Variants in PKD1 observed in about 807,000 individuals in gnomAD.
PKD1 encodes the protein polycystin 1, transient receptor potential channel interacting, also known as polycystin-1.
In PKD1, 81 loss-of-function variants were observed where a neutral mutation model predicts 361.7. The ratio of observed to expected loss-of-function variants is 0.22; its 90% confidence interval spans 0.19 to 0.27. The LOEUF is 0.27. Among genes scored for constraint, PKD1 ranks in the 10% least tolerant of loss-of-function variants. PKD1 has a pLI of 1.00. For missense variants in PKD1, 6,399 were observed against 6,118.3 expected (o/e 1.05, Z -1.53); for synonymous variants, 3,615 against 2,818.3 (o/e 1.28, Z -8.95).
At chr16:2,095,756 G>A (rs1202215947) in intron 34 of PKD1, among the ~76,000 whole-genome samples, 2 of 152,244 alleles carry the variant, frequency 1.3e-5, no homozygotes, top group Non-Finnish European at 1.5e-5. Flanking sequence ...TGAGGAAGCC[G>A]GGAGGGTGAG....
rs774162357 is a variant in PKD1, at chr16:2,116,540, C to T, written c.1711G>A (p.Glu571Lys). 9.2e-5 allele frequency: 141 copies of T among 1,539,666 alleles called. No homozygotes were observed. Among genetic ancestry groups the T allele is most frequent in the Non-Finnish European group, 1.2e-4 (134 of 1,139,556 alleles). ...AQQDGLSAPH[E>K]PVEVMVFPGL... ...GGGGGGCCGACTACCTCCACGGGCT[C>T]GTGCGGGGCTGAGAGGCCGTCCTGC... Residue 571 changes from glutamate to lysine, a missense_variant, in exon 8 of 46, where the codon GAG (glutamate) becomes AAG (lysine). Glu to Lys is a moderately conservative substitution (Grantham distance 56, BLOSUM62 1). Transcript: ENST00000262304.
At chr16:2,113,503 T>G (rs1221110547) in intron 11 of PKD1, among the ~76,000 whole-genome samples, 1 of 152,098 alleles carries the variant, frequency 6.6e-6, no homozygotes. Flanking sequence ...TACTAATGCC[T>G]CAACCTCTCT....
At chr16:2,125,449 T>C (rs1274015818) in intron 1 of PKD1, among the ~76,000 whole-genome samples, 1 of 152,152 alleles carries the variant, frequency 6.6e-6, no homozygotes, top group African/African-American at 2.4e-5. Flanking sequence ...ATTCTGTCCT[T>C]ACAGATCCCT....
chr16:2,091,338 G>A (rs1446510435), intron 42 of PKD1, 85 bp downstream of exon 42: 13 of 646,002 alleles, frequency 2.0e-5, no homozygotes, highest in East Asian at 8.1e-5. Flanking sequence ...CGCTGCGAGG[G>A]GTGAGACGCT....
chr16:2,095,342 G>A (rs1303706716), intron 34 of PKD1: 1 of 152,152 alleles, frequency 6.6e-6, no homozygotes, highest in African/African-American at 2.4e-5. Context: ...GAACGTGGGA[G>A]GCAGACTTTG....
rs1339480270 is a variant in PKD1 at position 2,089,494 on chromosome 16, G to A, written c.*233C>T. 3.5e-5 allele frequency: 21 copies of A among 592,266 alleles called. No homozygotes were observed. Among genetic ancestry groups the A allele is most frequent in the East Asian group, 1.1e-4 (4 of 35,576 alleles). 36.7% of individuals were successfully genotyped at this position (592,266 alleles called of 1,614,324 possible). ...ATTAGCATCTCAGAGGCTAGAAACCGTCCAATACTGCTGTGTCCTTCCCAA... is the reference window on the plus strand; with the variant it reads ...ATTAGCATCTCAGAGGCTAGAAACCATCCAATACTGCTGTGTCCTTCCCAA... On this transcript the variant is annotated 3_prime_UTR_variant, in exon 46 of 46. Transcript: ENST00000262304.
chr16:2,104,511 G>C lies in PKD1; in HGVS notation c.8148C>G (p.Ile2716Met), dbSNP rs1039848714. ...TVTPTAIGDS[I>M]LNITGDLIHL... ...GGGCCGCGGCACCTGTGATGTTGAG[G>C]ATGCTGTCTCCGATGGCGGTGGGCG... Residue 2716 changes from isoleucine (I) to methionine (M), a missense_variant, in exon 22 of 46, where the codon ATC (isoleucine) becomes ATG (methionine). Transcript: ENST00000262304. 4.3e-5 allele frequency: 66 copies of C among 1,542,644 alleles called. No homozygotes were observed. The highest frequency in any genetic ancestry group is 5.2e-5 in the Non-Finnish European group (59 of 1,140,536).
chr16:2,092,417 C>G, intron 39 of PKD1, 63 bp downstream of exon 39: 1 of 1,218,234 alleles, frequency 8.2e-7, no homozygotes, highest in Non-Finnish European at 1.2e-6. Context: ...CAGAGCTCCG[C>G]TAAAGGCTGC....
At position 2,116,034 on chromosome 16, in the gene PKD1, C is replaced by A. The variant is rs762060197; in HGVS notation, c.1807G>T (p.Ala603Ser). The change falls in exon 9 of 46, where the codon GCC (alanine) becomes TCC (serine). Residue 603 changes from alanine (A) to serine (S), a missense_variant. Coordinates refer to ENST00000262304, the MANE Select transcript of PKD1 (RefSeq NM_001009944.3). Reference protein sequence around the residue: ...EFGTQELRRPAQLRLQVYRLL... With the variant: ...EFGTQELRRPSQLRLQVYRLL... ...CGGTACACCTGCAGCCGCAGCTGGG[C>A]GGGCCGCCGGAGCTCCTGGGTCCCA... The A allele has an allele frequency of 6.3e-6, 9 of 1,439,602 alleles. No individual in the cohort carries two copies. Among genetic ancestry groups the A allele is most frequent in the Non-Finnish European group, 8.3e-6 (9 of 1,078,028 alleles). 89.2% of individuals were successfully genotyped at this position (1,439,602 alleles called of 1,614,324 possible).
At position 2,103,432 on chromosome 16, in the gene PKD1, C is replaced by G. The variant is rs1203146312; in HGVS notation, c.8625G>C (p.Lys2875Asn). ...RLASERAITV[K>N]VPNNSDWAAR... ...CAGCCCAGTCCGAGTTGTTGGGCAC[C>G]TTCACGGTGATGGCGCGCTCTGAGG... Residue 2875 changes from lysine (K) to asparagine (N), a missense_variant, in exon 23 of 46, where the codon AAG (lysine) becomes AAC (asparagine). Coordinates refer to ENST00000262304, the MANE Select transcript of PKD1 (RefSeq NM_001009944.3). The G allele has an allele frequency of 6.3e-7, 1 of 1,599,326 alleles. No individual in the cohort carries two copies. The highest frequency in any genetic ancestry group is 2.3e-4 in the Middle Eastern group (1 of 4,430).
Position 2,088,744 on chromosome 16 carries a change from T to C in PKD1, c.*983A>G, listed in dbSNP as rs979264685. 4 of 1,281,130 alleles carry C rather than the reference T, an allele frequency of 3.1e-6. No individual in the cohort carries two copies. The highest frequency in any genetic ancestry group is 3.0e-5 in the African/African-American group (2 of 67,222). 79.4% of individuals were successfully genotyped at this position (1,281,130 alleles called of 1,614,324 possible). A position where few individuals can be genotyped will look rare whatever the true frequency, so the allele number is the denominator to read the frequency against. ...CAGCTCTTTTATTGACTTTGTCTGCTTGGTGCGGGGGTTGGGGGGGTGTCG... is the reference window on the plus strand; with the variant it reads ...CAGCTCTTTTATTGACTTTGTCTGCCTGGTGCGGGGGTTGGGGGGGTGTCG... On this transcript the variant is annotated 3_prime_UTR_variant, in exon 46 of 46. Transcript: ENST00000262304.
In PKD1 at chr16:2,088,881, G is replaced by GCACACA. The variant is rs56279647; in HGVS notation, c.*840_*845dup. 7.2e-4 allele frequency: 303 copies of GCACACA among 421,416 alleles called. 1 individual carries two copies. Among genetic ancestry groups the GCACACA allele is most frequent in the African/African-American group, 3.8e-3 (171 of 44,676 alleles). The allele number at this position is 421,416 out of a possible 1,614,324, so 26.1% of individuals were successfully genotyped here. A position where few individuals can be genotyped will look rare whatever the true frequency, so the allele number is the denominator to read the frequency against. On this transcript the variant is annotated 3_prime_UTR_variant, in exon 46 of 46. Transcript: ENST00000262304. ...ACAGCACACTCGCGCGTGCGCGCGCGCACACACACACACACACAGTCACCT... is the reference window on the plus strand; with the variant it reads ...ACAGCACACTCGCGCGTGCGCGCGCGCACACACACACACACACACACACAGTCACCT...
chr16:2,097,248 G>A lies in PKD1; in HGVS notation c.10406-7C>T, dbSNP rs763945399. The A allele has an allele frequency of 5.2e-5, 83 of 1,593,536 alleles. 1 individual carries two copies. The highest frequency in any genetic ancestry group is 6.1e-5 in the Non-Finnish European group (71 of 1,170,260). On this transcript the variant is annotated splice_polypyrimidine_tract_variant and splice_region_variant and intron_variant, in intron 33 of 45. Transcript: ENST00000262304. ...TGCTGGATCAGGTCTTCATCTAGAG[G>A]TACAGGAGGCATAGGGTGGGCCCAG...
rs1432150573 is a variant in PKD1 at position 2,109,332 on chromosome 16, G to C, written c.5835C>G (p.Asp1945Glu). The C allele has an allele frequency of 1.3e-5, 20 of 1,590,490 alleles. No individual in the cohort carries two copies. The highest frequency in any genetic ancestry group is 1.6e-5 in the Non-Finnish European group (19 of 1,172,534). Residue 1945 changes from aspartate (D) to glutamate (E), a missense_variant, in exon 15 of 46, where the codon GAC becomes GAG. Coordinates refer to ENST00000262304, the MANE Select transcript of PKD1 (RefSeq NM_001009944.3). ...RFSHSFPRVGDHVVSVRGKNH... is the reference protein window; with the variant it reads ...RFSHSFPRVGEHVVSVRGKNH... The stretch of plus-strand genomic sequence containing the variant: ...TTTTGCCCCGCACGCTCACCACGTG[G>C]TCTCCGACGCGGGGGAAGCTGTGGG...
chr16:2,118,942 A>T lies in PKD1; in HGVS notation c.360-97T>A, dbSNP rs1428429607. 3 of 707,456 alleles carry T rather than the reference A, an allele frequency of 4.2e-6. No homozygotes were observed. The highest frequency in any genetic ancestry group is 7.3e-6 in the Non-Finnish European group (3 of 412,930). 43.8% of individuals were successfully genotyped at this position (707,456 alleles called of 1,614,324 possible). The stretch of plus-strand genomic sequence containing the variant: ...CAGGCCCTGGAGCCACCCTGACAGC[A>T]CCGCCTCCCCTGCCCCAACCAAGCC... On this transcript the variant is annotated intron_variant, in intron 3 of 45. Transcript: ENST00000262304. The surrounding 1 kb of genome is among the most constrained non-coding windows in gnomAD (Gnocchi z 6.0).
chr16:2,092,305 A>G, intron 39 of PKD1, 117 bp from the exon 40 acceptor site: 2 of 1,177,810 alleles, frequency 1.7e-6, no homozygotes, highest in Admixed American at 2.1e-5. Context: ...GAACCCTCCC[A>G]GCAGCCATCA....
chr16:2,092,458 G>A (rs767627605), intron 39 of PKD1, 22 bp downstream of exon 39: 1 of 1,492,076 alleles, frequency 6.7e-7, no homozygotes, highest in Non-Finnish European at 9.3e-7. Context: ...TTTAAGTCTT[G>A]GGGCACGCCC....
chr16:2,090,775 A>C lies in PKD1; in HGVS notation c.12037T>G (p.Ser4013Ala), dbSNP rs1555444981. Residue 4013 changes from serine to alanine, a missense_variant, in exon 44 of 46, where the codon TCC becomes GCC. Coordinates refer to ENST00000262304, the MANE Select transcript of PKD1 (RefSeq NM_001009944.3). ...AQQLRFVRQW[S>A]VFGKTLCRAL... ...CGGCATAATGTCTTGCCAAAGACGGACCACTGGCGCACGAAGCGTAGCTGC... is the reference window on the plus strand; with the variant it reads ...CGGCATAATGTCTTGCCAAAGACGGCCCACTGGCGCACGAAGCGTAGCTGC... 1 of 1,612,590 alleles carries C rather than the reference A, an allele frequency of 6.2e-7. No homozygotes were observed. The highest frequency in any genetic ancestry group is 8.5e-7 in the Non-Finnish European group (1 of 1,179,938).
Position 2,088,752 on chromosome 16 carries a change from G to T in PKD1, c.*975C>A, listed in dbSNP as rs2091249607. ...TTATTGACTTTGTCTGCTTGGTGCG[G>T]GGGTTGGGGGGGTGTCGAGGCTCTA... On this transcript the variant is annotated 3_prime_UTR_variant, in exon 46 of 46. Coordinates refer to ENST00000262304, the MANE Select transcript of PKD1 (RefSeq NM_001009944.3). The T allele has an allele frequency of 1.7e-6, 2 of 1,182,936 alleles. No homozygotes were observed. Among genetic ancestry groups the T allele is most frequent in the Admixed American group, 2.4e-5 (1 of 41,038 alleles). 73.3% of individuals were successfully genotyped at this position (1,182,936 alleles called of 1,614,324 possible).
Sources: allele counts gnomAD v4.1 joint callset (sites outside exome capture counted in the v4.1 genomes callset), GRCh38; gene constraint gnomAD v4.1.1; non-coding constraint Gnocchi (gnomAD v3.1); transcripts MANE v1.5; gene names NCBI Gene and HGNC (gene_info 2026-07-23, HGNC 2026-07-21).